Variants in PPAT observed in about 807,000 individuals in gnomAD.
PPAT encodes the protein amidophosphoribosyltransferase.
PPAT carries 20 observed loss-of-function variants against 60.2 expected under a neutral mutation model. The observed-to-expected ratio is 0.33, with a 90% CI of 0.23 to 0.48. The LOEUF is 0.48. PPAT is among the 20% of genes least tolerant of loss of function. PPAT has a pLI of 0.99. For synonymous variants in PPAT, 194 were observed against 215.1 expected (o/e 0.90, Z 0.86); for missense variants, 349 against 629.6 (o/e 0.55, Z 4.77).
chr4:56,398,142 G>A (rs1716026659), intron 9 of PPAT, among the ~76,000 whole-genome samples: 1 of 152,208 alleles, frequency 6.6e-6, no homozygotes, highest in South Asian at 2.1e-4. Context: ...GCCGAGGCAG[G>A]TGGATCACCT....
chr4:56,429,266 T>C (rs896847653), intron 1 of PPAT, among the ~76,000 whole-genome samples: 5 of 152,170 alleles, frequency 3.3e-5, no homozygotes, highest in Non-Finnish European at 5.9e-5. Flanking sequence ...AATGAAAACT[T>C]GCCCGGAGTT....
At chr4:56,418,426 C>T (rs1386696075) in intron 1 of PPAT, among the ~76,000 whole-genome samples, 1 of 152,084 alleles carries the variant, frequency 6.6e-6, no homozygotes, top group East Asian at 1.9e-4. Flanking sequence ...CTCAAGCAAT[C>T]CTCCCACCTC....
At chr4:56,435,285 G>A (rs948127213) in intron 1 of PPAT, 65 bp downstream of exon 1, 2 of 1,602,148 alleles carry the variant, frequency 1.2e-6, no homozygotes, top group African/African-American at 1.3e-5. Context: ...TGAGAACGCC[G>A]ACTGCGGGAA....
chr4:56,398,280 G>A (rs1368179887), intron 9 of PPAT, among the ~76,000 whole-genome samples: 3 of 152,044 alleles, frequency 2.0e-5, no homozygotes, highest in African/African-American at 7.2e-5. Flanking sequence ...TGAGGTGGGA[G>A]GATTGCTTGA....
intron 8 of PPAT, 50 bp downstream of exon 8, chr4:56,400,734 A>C (rs1285493083): frequency 4.6e-6 from 7 of 1,531,426 alleles, no homozygotes; most frequent in African/African-American, 1.4e-5. Context: ...AGGGTTTCTT[A>C]TTCCACAGCT....
chr4:56,433,700 T>TG (rs935347912), intron 1 of PPAT, among the ~76,000 whole-genome samples: 33 of 33,080 alleles, frequency 1.0e-3, no homozygotes, highest in Admixed American at 1.8e-3. Flanking sequence ...ATAACAACTG[T>TG]TTTTTTTTTT....
At chr4:56,419,435 T>C (rs1486260332) in intron 1 of PPAT, among the ~76,000 whole-genome samples, 1 of 152,186 alleles carries the variant, frequency 6.6e-6, no homozygotes, top group African/African-American at 2.4e-5. Context: ...ACCGGCATAA[T>C]AATGGACAGA....
At chr4:56,411,664 C>A (rs1349942447) in intron 1 of PPAT, among the ~76,000 whole-genome samples, 1 of 152,108 alleles carries the variant, frequency 6.6e-6, no homozygotes, top group Non-Finnish European at 1.5e-5. Flanking sequence ...CAGAATTATT[C>A]AAAAATCTGT....
rs550686805 is a variant in PPAT at position 56,394,958 on chromosome 4, T to C, written c.*394A>G. 1 of 175,548 alleles carries C rather than the reference T, an allele frequency of 5.7e-6. No individual in the cohort carries two copies. Among genetic ancestry groups the C allele is most frequent in the Non-Finnish European group, 1.2e-5 (1 of 84,854 alleles). 10.9% of individuals were successfully genotyped at this position (175,548 alleles called of 1,614,324 possible). A position where few individuals can be genotyped will look rare whatever the true frequency, so the allele number is the denominator to read the frequency against. ...GAGGCTAGACACCTATGAGGTATAATGTATTCTATTCAAACTTTGTGTGAA... is the reference window on the plus strand; with the variant it reads ...GAGGCTAGACACCTATGAGGTATAACGTATTCTATTCAAACTTTGTGTGAA... On this transcript the variant is annotated 3_prime_UTR_variant, in exon 11 of 11. Coordinates refer to ENST00000264220, the MANE Select transcript of PPAT (RefSeq NM_002703.5).
At chr4:56,402,842 AAAAAAAG>A (rs1328288581) in intron 5 of PPAT, among the ~76,000 whole-genome samples, 191 bp downstream of exon 5, 1,247 of 79,262 alleles carry the variant, frequency 0.016, 55 homozygotes, top group African/African-American at 0.049. Context: ...AAAAAAAAAA[AAAAAAAG>A]GGGGGGGACT....
intron 1 of PPAT, 135 bp from the exon 2 acceptor site, chr4:56,407,851 A>C: frequency 1.5e-6 from 1 of 667,088 alleles, no homozygotes; most frequent in East Asian, 2.7e-5. Flanking sequence ...TTGTACTAGC[A>C]CTACTTCTAT....
chr4:56,415,566 C>G (rs938741505), intron 1 of PPAT, among the ~76,000 whole-genome samples: 4 of 152,134 alleles, frequency 2.6e-5, no homozygotes, highest in African/African-American at 9.7e-5. Flanking sequence ...TCCATTTAAA[C>G]ATAATTTAAC....
At chr4:56,419,768 G>A in intron 1 of PPAT, 2 of 984,870 alleles carry the variant, frequency 2.0e-6, no homozygotes, top group Non-Finnish European at 2.4e-6. Flanking sequence ...AGGGAACAGT[G>A]AGAAATAAGA....
chr4:56,411,618 AC>A (rs1716467809), intron 1 of PPAT, among the ~76,000 whole-genome samples: 1 of 152,214 alleles, frequency 6.6e-6, no homozygotes, highest in Non-Finnish European at 1.5e-5. Flanking sequence ...TGAGATGTCT[AC>A]CATAGTCTAA....
chr4:56,420,899 G>A (rs991357437), intron 1 of PPAT: 7 of 152,186 alleles, frequency 4.6e-5, no homozygotes, highest in Non-Finnish European at 2.9e-5. Flanking sequence ...CCAGGATTCA[G>A]GAAATCAAAG....
At chr4:56,427,869 C>G (rs1470836168) in intron 1 of PPAT, among the ~76,000 whole-genome samples, 1 of 152,078 alleles carries the variant, frequency 6.6e-6, no homozygotes, top group African/African-American at 2.4e-5. Flanking sequence ...CAGAGAAGAT[C>G]TCTATTGTGT....
intron 1 of PPAT, among the ~76,000 whole-genome samples, chr4:56,415,868 G>C (rs981589382): frequency 9.2e-5 from 14 of 152,054 alleles, no homozygotes; most frequent in Non-Finnish European, 1.8e-4. Context: ...TTAGGAGCTC[G>C]AGACCAGCCT....
intron 8 of PPAT, 182 bp from the exon 9 acceptor site, chr4:56,399,582 C>A: frequency 1.9e-6 from 1 of 534,902 alleles, no homozygotes; most frequent in South Asian, 2.8e-5. Context: ...AAAACCAATT[C>A]ATTTTGTGAG....
intron 1 of PPAT, chr4:56,431,657 A>C: frequency 7.4e-6 from 2 of 271,952 alleles, no homozygotes; most frequent in Non-Finnish European, 1.1e-5. Context: ...GTTATCTCCT[A>C]ATCAAGGAAA....
Sources: gnomAD v4.1 joint callset for allele counts (sites outside exome capture counted in the v4.1 genomes callset) on GRCh38, gnomAD v4.1.1 for gene constraint, MANE v1.5 for transcripts, NCBI Gene and HGNC (gene_info 2026-07-23, HGNC 2026-07-21) for gene names.